The following WSB2 variants were observed in gnomAD, a reference collection of about 807,000 sequenced individuals.
The protein encoded by WSB2 is WD repeat and SOCS box-containing protein 2.
WSB2 carries 12 observed loss-of-function variants against 48.8 expected under a neutral mutation model. That is an observed-to-expected ratio of 0.25 (90% CI 0.16 to 0.40). The LOEUF is 0.40. WSB2 is among the 10% of genes least tolerant of loss of function. The probability of loss-of-function intolerance (pLI) is 1.00; values close to 1 mark genes in which losing one functional copy is unlikely to be tolerated. For missense variants in WSB2, 317 were observed against 506.2 expected, an observed-to-expected ratio of 0.63 and a Z score of 3.59; for synonymous variants, 191 against 203.1, an observed-to-expected ratio of 0.94 and a Z score of 0.51.
intron 1 of WSB2, 146 bp from the exon 2 acceptor site, chr12:118,052,624 C>T (rs1566142130): frequency 3.3e-6 from 4 of 1,216,072 alleles, no homozygotes; most frequent in African/African-American, 1.5e-5. Context: ...AGGGCAATAA[C>T]AGCAGCCACA....
chr12:118,061,159 C>T lies in WSB2; in HGVS notation c.-111G>A, dbSNP rs975255055. 1.9e-4 allele frequency: 189 copies of T among 982,098 alleles called. 2 individuals carry two copies. The Middle Eastern group carries it at 5.8e-3, about 30-fold the overall frequency. The allele number at this position is 982,098 out of a possible 1,614,324, so 60.8% of individuals were successfully genotyped here. ...CCCCGGCCAGGCCGCCGCCGCCGCC[C>T]GGAGAGGCCATCAGCTGCTTCCCGT... On this transcript the variant is annotated 5_prime_UTR_variant, in exon 1 of 9. Transcript: ENST00000315436.
At chr12:118,057,927 T>C (rs1252503109) in intron 1 of WSB2, among the ~76,000 whole-genome samples, 1 of 151,444 alleles carries the variant, frequency 6.6e-6, no homozygotes, top group Non-Finnish European at 1.5e-5. Flanking sequence ...CAGCATTTTT[T>C]TTTTTTTTAA....
rs538472874 is a variant in WSB2 at position 118,060,811 on chromosome 12, C to T, written c.13+225G>A. On this transcript the variant is annotated intron_variant, in intron 1 of 8. Coordinates refer to ENST00000315436, the MANE Select transcript of WSB2 (RefSeq NM_018639.5). The surrounding 1 kb of genome is among the most constrained non-coding windows in gnomAD (Gnocchi z 4.1). ...AGCCCGATCTTCCCGATCCTGTCGC[C>T]GGCGGGAGTCAGGGTGGCGGCCACT... Among the ~76,000 whole-genome samples the T allele has an allele frequency of 3.4e-4, 52 of 152,166 alleles. No individual in the cohort carries two copies. The East Asian group carries it at 9.1e-3, about 27-fold the overall frequency.
At chr12:118,047,105 G>A (rs1173718659) in intron 2 of WSB2, among the ~76,000 whole-genome samples, 1 of 152,032 alleles carries the variant, frequency 6.6e-6, no homozygotes, top group Non-Finnish European at 1.5e-5. Context: ...GAATACACCT[G>A]TAGCTACTTT....
chr12:118,061,776 T>C (rs1214715803), upstream of WSB2, among the ~76,000 whole-genome samples: 1 of 42,846 alleles, frequency 2.3e-5, no homozygotes, highest in Non-Finnish European at 4.4e-5. Flanking sequence ...CGGGTAAAAA[T>C]GGGGGCGGGA....
chr12:118,059,409 C>CA (rs1351071548), intron 1 of WSB2, among the ~76,000 whole-genome samples: 1 of 152,042 alleles, frequency 6.6e-6, no homozygotes, highest in Non-Finnish European at 1.5e-5. Context: ...GTGCCTGGCA[C>CA]ATAGTAGACG....
chr12:118,049,581 T>C (rs1436278087), intron 2 of WSB2, among the ~76,000 whole-genome samples: 1 of 152,108 alleles, frequency 6.6e-6, no homozygotes, highest in African/African-American at 2.4e-5. Flanking sequence ...TTTTGTATTT[T>C]TAATAGAGAC....
Position 118,035,306 on chromosome 12 carries a change from G to A in WSB2, c.852C>T (p.Pro284=), listed in dbSNP as rs770328206. 3.0e-5 allele frequency: 49 copies of A among 1,614,026 alleles called. No individual in the cohort carries two copies. The Middle Eastern group carries it at 5.0e-4, about 16-fold the overall frequency. ...TGTGGACGTCACTGTCATCCATGGC[G>A]GGGTCAACCTGGGTGTGGCTGGGAA... ...LRSLHHTQVD[P]AMDDSDVHIS... is the part of the protein sequence containing the mutation. The change falls in exon 7 of 9, where the codon CCC becomes CCT. Residue 284 remains proline, a synonymous_variant. Transcript: ENST00000315436.
At chr12:118,037,488 G>A (rs1407179490) in intron 5 of WSB2, among the ~76,000 whole-genome samples, 1 of 151,928 alleles carries the variant, frequency 6.6e-6, no homozygotes, top group African/African-American at 2.4e-5. Flanking sequence ...CTAATATGGT[G>A]AAACCTCATT....
intron 2 of WSB2, among the ~76,000 whole-genome samples, chr12:118,049,900 T>G (rs970096282): frequency 1.3e-5 from 2 of 152,118 alleles, no homozygotes; most frequent in African/African-American, 2.4e-5. Flanking sequence ...AAAAAATGCT[T>G]AAAGAAAAAT....
At chr12:118,043,880 G>T (rs758137333) in intron 2 of WSB2, among the ~76,000 whole-genome samples, 39 of 152,054 alleles carry the variant, frequency 2.6e-4, no homozygotes, top group Non-Finnish European at 5.6e-4. Flanking sequence ...ACTTTGGGAG[G>T]CTAAGGCAGG....
intron 8 of WSB2, 176 bp downstream of exon 8, chr12:118,034,810 A>G: frequency 1.6e-6 from 1 of 620,114 alleles, no homozygotes. Flanking sequence ...TTAAATATTC[A>G]GAGAAAATGG....
chr12:118,050,242 T>C (rs1333199976), intron 2 of WSB2, among the ~76,000 whole-genome samples: 1 of 152,062 alleles, frequency 6.6e-6, no homozygotes, highest in South Asian at 2.1e-4. Flanking sequence ...AATACAGACA[T>C]AGAGTTGCCC....
intron 1 of WSB2, among the ~76,000 whole-genome samples, chr12:118,055,607 C>CTTTTTTTTTTTTTTTTTTT (rs748354611): frequency 1.2e-5 from 1 of 81,710 alleles, no homozygotes; most frequent in African/African-American, 5.3e-5. Context: ...CTACATTATC[C>CTTTTTTTTTTTTTTTTTTT]TTTTTTTTTT....
chr12:118,035,296 C>T lies in WSB2; in HGVS notation c.862G>A (p.Asp288Asn). The change falls in exon 7 of 9, where the codon GAC becomes AAC. Residue 288 changes from aspartate to asparagine, a missense_variant. This residue lies in a region of WSB2 where 189 missense variants were observed against 349.6 expected (regional missense o/e 0.54). Transcript: ENST00000315436. ...AGTGAGCTAATGTGGACGTCACTGT[C>T]ATCCATGGCGGGGTCAACCTGGGTG... ...HHTQVDPAMD[D>N]SDVHISSLRS... 6.2e-7 allele frequency: 1 copy of T among 1,614,204 alleles called. No homozygotes were observed. Among genetic ancestry groups the T allele is most frequent in the Non-Finnish European group, 8.5e-7 (1 of 1,180,050 alleles).
intron 4 of WSB2, among the ~76,000 whole-genome samples, chr12:118,041,067 C>CA (rs1347540054): frequency 6.6e-6 from 1 of 151,936 alleles, no homozygotes; most frequent in Non-Finnish European, 1.5e-5. Flanking sequence ...ACAAACAAAC[C>CA]AAAAAAACAC....
At chr12:118,054,322 C>T (rs2031912316) in intron 1 of WSB2, among the ~76,000 whole-genome samples, 1 of 151,614 alleles carries the variant, frequency 6.6e-6, no homozygotes, top group Non-Finnish European at 1.5e-5. Context: ...ACCCAGGAGG[C>T]GGAGGTTACA....
intron 1 of WSB2, among the ~76,000 whole-genome samples, chr12:118,055,607 CTTTTTTTTTTT>C (rs748354611): frequency 8.6e-5 from 7 of 81,712 alleles, no homozygotes; most frequent in African/African-American, 2.1e-4. Context: ...CTACATTATC[CTTTTTTTTTTT>C]TTTTTTTTTT....
intron 2 of WSB2, among the ~76,000 whole-genome samples, chr12:118,043,729 A>G (rs7967764): frequency 0.41 from 61,827 of 151,830 alleles, 13,534 homozygotes; most frequent in African/African-American, 0.55. Flanking sequence ...TTACTGGCAT[A>G]AGCCACCCCA....
Sources: allele counts gnomAD v4.1 joint callset (sites outside exome capture counted in the v4.1 genomes callset), GRCh38; gene constraint gnomAD v4.1.1; regional missense constraint gnomAD v4.1.1; non-coding constraint Gnocchi (gnomAD v3.1); transcripts MANE v1.5; gene names NCBI Gene and HGNC (gene_info 2026-07-23, HGNC 2026-07-21).